CAMK1D: variants seen among roughly 807,000 people sequenced by gnomAD.
The protein encoded by CAMK1D is calcium/calmodulin-dependent protein kinase type 1D.
In CAMK1D, 9 loss-of-function variants were observed where a neutral mutation model predicts 47.7. The observed-to-expected ratio is 0.19, with a 90% CI of 0.11 to 0.33. The LOEUF (loss-of-function observed/expected upper bound fraction) is 0.33. CAMK1D is among the 10% of genes least tolerant of loss of function. CAMK1D has a pLI of 1.00. For missense variants in CAMK1D, 291 were observed against 488.7 expected (o/e 0.60, Z 3.81); for synonymous variants, 184 against 184.9 (o/e 0.99, Z 0.04).
intron 3 of CAMK1D, among the ~76,000 whole-genome samples, chr10:12,710,071 T>C (rs939297674): frequency 1.3e-5 from 2 of 152,238 alleles, no homozygotes; most frequent in Non-Finnish European, 2.9e-5. Flanking sequence ...GTGATCATAG[T>C]TGTATTTACC....
chr10:12,425,855 A>G (rs1261934525), intron 1 of CAMK1D, among the ~76,000 whole-genome samples: 1 of 152,250 alleles, frequency 6.6e-6, no homozygotes, highest in African/African-American at 2.4e-5. Context: ...GTCCCACTTT[A>G]TTTAAAATAT....
At chr10:12,684,904 A>C (rs186292628) in intron 3 of CAMK1D, among the ~76,000 whole-genome samples, 35 of 152,356 alleles carry the variant, frequency 2.3e-4, no homozygotes, top group African/African-American at 8.4e-4. Context: ...TAATGCTCCA[A>C]CTAGAATTGG....
At chr10:12,474,233 C>G (rs1833835241) in intron 1 of CAMK1D, among the ~76,000 whole-genome samples, 1 of 137,134 alleles carries the variant, frequency 7.3e-6, no homozygotes, top group Non-Finnish European at 1.5e-5. Flanking sequence ...GAGTCTTGCT[C>G]TGTCACCCAG....
chr10:12,439,885 C>T (rs56231398), intron 1 of CAMK1D, among the ~76,000 whole-genome samples: 9,754 of 152,208 alleles, frequency 0.064, 348 homozygotes, highest in Non-Finnish European at 0.079. Flanking sequence ...GCAAAAGGCA[C>T]ATCTTACATG....
At chr10:12,665,201 ATTG>A in intron 2 of CAMK1D, among the ~76,000 whole-genome samples, 1 of 152,354 alleles carries the variant, frequency 6.6e-6, no homozygotes, top group South Asian at 2.1e-4. Flanking sequence ...AGTATAATCT[ATTG>A]TTTTAGCTCC....
rs150762544 is a variant in CAMK1D at position 12,353,243 on chromosome 10, A to G, written c.92+3333A>G. Among the ~76,000 whole-genome samples the G allele has an allele frequency of 2.3e-3, 354 of 152,296 alleles. 2 individuals are homozygous for G. Among genetic ancestry groups the G allele is most frequent in the African/African-American group, 8.0e-3 (334 of 41,572 alleles). On this transcript the variant is annotated intron_variant, in intron 1 of 10. Transcript: ENST00000619168. ...CAATTAACCACTGGCATTCATTTCC[A>G]AAGTATGCCGCAGTTCCAGTCACTT... is the stretch of plus-strand genomic sequence containing the variant.
chr10:12,579,069 G>A (rs535190667), intron 2 of CAMK1D, among the ~76,000 whole-genome samples: 2 of 152,238 alleles, frequency 1.3e-5, no homozygotes, highest in East Asian at 3.9e-4. Context: ...GGCTTTCACC[G>A]AGAAATTGAA....
chr10:12,398,588 A>T (rs891663101), intron 1 of CAMK1D, among the ~76,000 whole-genome samples: 2 of 152,138 alleles, frequency 1.3e-5, no homozygotes, highest in Admixed American at 6.5e-5. Flanking sequence ...ACCTCAGGTG[A>T]TCCGCCCGCC....
chr10:12,624,288 T>A (rs1839137016), intron 2 of CAMK1D, among the ~76,000 whole-genome samples: 1 of 152,130 alleles, frequency 6.6e-6, no homozygotes, highest in Admixed American at 6.5e-5. Flanking sequence ...CTATTAAAAT[T>A]TTAGATGTGC....
chr10:12,686,251 C>T (rs999774073), intron 3 of CAMK1D, among the ~76,000 whole-genome samples: 2 of 152,080 alleles, frequency 1.3e-5, no homozygotes, highest in African/African-American at 4.8e-5. Flanking sequence ...TGATATGGAA[C>T]GATTGCGAAG....
intron 3 of CAMK1D, among the ~76,000 whole-genome samples, chr10:12,741,835 G>C (rs1422485371): frequency 1.3e-5 from 2 of 152,210 alleles, no homozygotes; most frequent in African/African-American, 4.8e-5. Context: ...AGACGGCCCT[G>C]CAGGGATTTC....
intron 1 of CAMK1D, among the ~76,000 whole-genome samples, chr10:12,433,304 G>T (rs1328070549): frequency 6.6e-6 from 1 of 152,020 alleles, no homozygotes; most frequent in African/African-American, 2.4e-5. Flanking sequence ...CCTCCCTCCT[G>T]CAGACCCCAG....
intron 1 of CAMK1D, among the ~76,000 whole-genome samples, chr10:12,440,218 C>A (rs990232139): frequency 1.3e-5 from 2 of 152,052 alleles, no homozygotes; most frequent in Admixed American, 6.5e-5. Context: ...GTCTTACTTG[C>A]ATTATGTTGT....
chr10:12,707,118 C>T (rs1443088071), intron 3 of CAMK1D, among the ~76,000 whole-genome samples: 1 of 152,146 alleles, frequency 6.6e-6, no homozygotes. Flanking sequence ...CAGATCCCAG[C>T]CCCAGGACAT....
intron 2 of CAMK1D, among the ~76,000 whole-genome samples, chr10:12,563,594 C>A (rs1837014648): frequency 6.6e-6 from 1 of 150,436 alleles, no homozygotes; most frequent in South Asian, 2.1e-4. Context: ...ATAAAATTAT[C>A]CATTACATTG....
intron 1 of CAMK1D, among the ~76,000 whole-genome samples, chr10:12,496,713 G>C (rs1418325681): frequency 1.3e-5 from 2 of 152,182 alleles, no homozygotes; most frequent in Non-Finnish European, 2.9e-5. Context: ...CTAATAGCAT[G>C]TATTTATTCA....
At position 12,797,196 on chromosome 10, in the gene CAMK1D, C is replaced by CTTTT. The variant is rs66641899; in HGVS notation, c.641+5975_641+5978dup. ...GCTGGGTAGCACAGCTGACCAGTTCCTTTTTTTTTTTTTTTGTTTAGAGAC... is the reference window on the plus strand; with the variant it reads ...GCTGGGTAGCACAGCTGACCAGTTCCTTTTTTTTTTTTTTTTTTTGTTTAGAGAC... On this transcript the variant is annotated intron_variant, in intron 6 of 10. Transcript: ENST00000619168. 1.9e-3 allele frequency among the ~76,000 whole-genome samples: 263 copies of CTTTT among 137,536 alleles called. 3 individuals carry two copies. The highest frequency in any genetic ancestry group is 4.4e-3 in the South Asian group (19 of 4,320). 90.2% of individuals were successfully genotyped at this position (137,536 alleles called of 152,430 possible).
At chr10:12,733,787 T>A (rs1835006718) in intron 3 of CAMK1D, among the ~76,000 whole-genome samples, 1 of 152,232 alleles carries the variant, frequency 6.6e-6, no homozygotes, top group Admixed American at 6.5e-5. Flanking sequence ...TGAATTGAAT[T>A]TGCTTTTTTT....
At chr10:12,685,682 T>C (rs890592808) in intron 3 of CAMK1D, among the ~76,000 whole-genome samples, 23 of 152,156 alleles carry the variant, frequency 1.5e-4, no homozygotes, top group Non-Finnish European at 3.1e-4. Context: ...TTCTCGCTGG[T>C]GATTCACTGT....
Sources: allele counts gnomAD v4.1 joint callset (sites outside exome capture counted in the v4.1 genomes callset), GRCh38; gene constraint gnomAD v4.1.1; transcripts MANE v1.5; gene names NCBI Gene and HGNC (gene_info 2026-07-23, HGNC 2026-07-21).